The following CCDC138 variants were observed in gnomAD, a reference collection of about 807,000 sequenced individuals.
The protein encoded by CCDC138 is coiled-coil domain containing 138, also known as coiled-coil domain-containing protein 138.
In CCDC138, 66 loss-of-function variants were observed where a neutral mutation model predicts 82.3. The ratio of observed to expected loss-of-function variants is 0.80; its 90% CI spans 0.66 to 0.98. The LOEUF (loss-of-function observed/expected upper bound fraction) is 0.98. Ranked by LOEUF, CCDC138 falls within the 50% of genes least tolerant of loss-of-function variation. The pLI is 0.00. For synonymous variants in CCDC138, 297 were observed against 265.4 expected (o/e 1.12, Z -1.16); for missense variants, 816 against 758.9 (o/e 1.08, Z -0.88).
At chr2:108,842,280 C>A (rs368339217) in intron 11 of CCDC138, among the ~76,000 whole-genome samples, 2 of 151,804 alleles carry the variant, frequency 1.3e-5, no homozygotes, top group East Asian at 3.9e-4. Flanking sequence ...CTCAAGTGAT[C>A]CTCCTGCCTT....
At chr2:108,873,297 AATG>A (rs71383811) in intron 13 of CCDC138, 151 bp from the exon 14 acceptor site, 248,443 of 324,600 alleles carry the variant, frequency 0.77, 99,840 homozygotes, top group East Asian at 0.9. Context: ...TAATTTTTCA[AATG>A]ATGATATTTT....
chr2:108,860,962 TGGTAAGGTAAGGA>T, intron 13 of CCDC138, among the ~76,000 whole-genome samples: 1 of 142,474 alleles, frequency 7.0e-6, no homozygotes, highest in Admixed American at 6.9e-5. Flanking sequence ...TTTTTTTGGT[TGGTAAGGTAAGGA>T]TTCAATTTTG....
In CCDC138 at chr2:108,825,735, G is replaced by C. The variant is rs369015724; in HGVS notation, c.1206+9630G>C. On this transcript the variant is annotated intron_variant, in intron 10 of 14. Coordinates refer to ENST00000295124, the MANE Select transcript of CCDC138 (RefSeq NM_144978.3). ...TTTGGGTTGTTTGCATTTGTTGGCT[G>C]TTATGAATGGTGTTGCTATGAACAT... Among the ~76,000 whole-genome samples, 347 of 152,240 alleles carry C rather than the reference G, an allele frequency of 2.3e-3. 1 individual carries two copies. Among genetic ancestry groups the C allele is most frequent in the Middle Eastern group, 6.8e-3 (2 of 294 alleles).
intron 5 of CCDC138, among the ~76,000 whole-genome samples, chr2:108,796,541 C>T (rs1680931980): frequency 6.6e-6 from 1 of 152,148 alleles, no homozygotes; most frequent in Non-Finnish European, 1.5e-5. Flanking sequence ...TTGTTCATTG[C>T]AGCTCTGTTC....
chr2:108,833,665 A>G (rs1478963249), intron 10 of CCDC138, among the ~76,000 whole-genome samples: 1 of 152,156 alleles, frequency 6.6e-6, no homozygotes, highest in Non-Finnish European at 1.5e-5. Flanking sequence ...ACATAATAAG[A>G]AACGAAACAA....
chr2:108,864,525 C>T (rs905566875), intron 13 of CCDC138, among the ~76,000 whole-genome samples: 4 of 151,816 alleles, frequency 2.6e-5, no homozygotes, highest in Middle Eastern at 3.4e-3. Flanking sequence ...TAGCCGGGCA[C>T]GGTGGCTCAC....
chr2:108,868,899 GTGAAAGAAAAAAA>G (rs1694828211), intron 13 of CCDC138, among the ~76,000 whole-genome samples: 1 of 151,710 alleles, frequency 6.6e-6, no homozygotes, highest in Admixed American at 6.6e-5. Context: ...CCTACCTTTT[GTGAAAGAAAAAAA>G]TGAAATTTTT....
intron 7 of CCDC138, among the ~76,000 whole-genome samples, chr2:108,806,016 AGT>A (rs201191699): frequency 0.65 from 98,813 of 151,780 alleles, 35,159 homozygotes; most frequent in East Asian, 0.92. Context: ...ACTCTCCTAG[AGT>A]TCCTTTGCCA....
chr2:108,839,158 A>G (rs1443674520), intron 10 of CCDC138, 27 bp from the exon 11 acceptor site: 4 of 1,581,776 alleles, frequency 2.5e-6, no homozygotes, highest in Non-Finnish European at 3.4e-6. Flanking sequence ...GTGCCTTTGT[A>G]TTTATTTTCC....
At chr2:108,821,385 A>G (rs987214634) in intron 10 of CCDC138, among the ~76,000 whole-genome samples, 1 of 152,200 alleles carries the variant, frequency 6.6e-6, no homozygotes, top group African/African-American at 2.4e-5. Context: ...TGATATCAGT[A>G]ACATAAAGTG....
intron 4 of CCDC138, among the ~76,000 whole-genome samples, chr2:108,793,867 G>C (rs1680379491): frequency 6.6e-6 from 1 of 151,976 alleles, no homozygotes; most frequent in Non-Finnish European, 1.5e-5. Flanking sequence ...CTCCCAAAGT[G>C]CTGGGATTAT....
At position 108,804,881 on chromosome 2, in the gene CCDC138, C is replaced by A; in HGVS notation, c.736-8C>A. Reference sequence around the variant, plus strand: ...TTTTAGATGAGAGTTTTTTTTTTCTCCTCCTAGCAGCATGATGCAGAAGTT... The same window carrying A: ...TTTTAGATGAGAGTTTTTTTTTTCTACTCCTAGCAGCATGATGCAGAAGTT... On this transcript the variant is annotated splice_polypyrimidine_tract_variant and splice_region_variant and intron_variant, in intron 6 of 14. Coordinates refer to ENST00000295124, the MANE Select transcript of CCDC138 (RefSeq NM_144978.3). 7.5e-7 allele frequency: 1 copy of A among 1,328,204 alleles called. No individual in the cohort carries two copies. Among genetic ancestry groups the A allele is most frequent in the Non-Finnish European group, 1.0e-6 (1 of 1,004,468 alleles). 82.3% of individuals were successfully genotyped at this position (1,328,204 alleles called of 1,614,324 possible).
downstream of CCDC138, among the ~76,000 whole-genome samples, chr2:108,879,670 G>C (rs572471306): frequency 1.3e-5 from 2 of 152,206 alleles, no homozygotes; most frequent in Admixed American, 1.3e-4. Context: ...TTTGTGAGAT[G>C]GGTCTTTTAA....
At chr2:108,832,884 C>T (rs376666093) in intron 10 of CCDC138, among the ~76,000 whole-genome samples, 1 of 152,068 alleles carries the variant, frequency 6.6e-6, no homozygotes, top group Non-Finnish European at 1.5e-5. Flanking sequence ...ACCTGCTGTT[C>T]TAGAACTATA....
intron 12 of CCDC138, among the ~76,000 whole-genome samples, chr2:108,855,351 T>A (rs1692407162): frequency 1.3e-5 from 2 of 152,200 alleles, no homozygotes; most frequent in Admixed American, 6.5e-5. Context: ...GTATTCAACC[T>A]GTTTAATCTT....
chr2:108,868,817 G>T (rs1200223609), intron 13 of CCDC138, among the ~76,000 whole-genome samples: 1 of 152,064 alleles, frequency 6.6e-6, no homozygotes, highest in East Asian at 1.9e-4. Context: ...AAAGCTAAGG[G>T]TTTTTGGGCA....
chr2:108,788,906 A>C lies in CCDC138; in HGVS notation c.206A>C (p.Asp69Ala). 1.2e-6 allele frequency: 2 copies of C among 1,614,154 alleles called. No homozygotes were observed. The highest frequency in any genetic ancestry group is 2.2e-5 in the South Asian group (2 of 91,086). Residue 69 changes from aspartate (D) to alanine (A), a missense_variant, in exon 3 of 15, where the codon GAT (aspartate) becomes GCT (alanine). Physicochemically the swap from Asp to Ala is moderately radical, Grantham distance 126 (BLOSUM62 -2). Coordinates refer to ENST00000295124, the MANE Select transcript of CCDC138 (RefSeq NM_144978.3). ...GTTGGTTCATCGTTAAAATATTCTGATGAAAGCAAGCATTGTAGAACACCA... is the reference window on the plus strand; with the variant it reads ...GTTGGTTCATCGTTAAAATATTCTGCTGAAAGCAAGCATTGTAGAACACCA... ...DKVGSSLKYS[D>A]ESKHCRTPLG...
intron 10 of CCDC138, among the ~76,000 whole-genome samples, chr2:108,833,276 A>T (rs988411041): frequency 6.6e-6 from 1 of 152,226 alleles, no homozygotes; most frequent in Non-Finnish European, 1.5e-5. Flanking sequence ...CAGTGTTAAC[A>T]ACTGTAACAA....
chr2:108,805,272 G>A (rs900972521), intron 7 of CCDC138, among the ~76,000 whole-genome samples: 1 of 152,048 alleles, frequency 6.6e-6, no homozygotes, highest in South Asian at 2.1e-4. Context: ...TTTAGGTACT[G>A]ATCTCTGGCT....
Sources: allele counts gnomAD v4.1 joint callset (sites outside exome capture counted in the v4.1 genomes callset), GRCh38; gene constraint gnomAD v4.1.1; transcripts MANE v1.5; gene names NCBI Gene and HGNC (gene_info 2026-07-23, HGNC 2026-07-21).